The following KDSR variants were observed in gnomAD, a reference collection of about 807,000 sequenced individuals.
The protein encoded by KDSR is 3-dehydrosphinganine reductase.
Under a neutral mutation model 41.3 loss-of-function variants are expected in KDSR, and 23 were observed. The ratio of observed to expected loss-of-function variants is 0.56; its 90% CI spans 0.40 to 0.79. The LOEUF is 0.79. Among genes scored for constraint, KDSR ranks in the 30% least tolerant of loss-of-function variants. The probability of loss-of-function intolerance (pLI) is 0.00; values close to 1 mark genes in which losing one functional copy is unlikely to be tolerated. For synonymous variants in KDSR, 138 were observed against 151.7 expected (o/e 0.91, Z 0.66); for missense variants, 351 against 416.8 (o/e 0.84, Z 1.37).
At chr18:63,340,811 C>T (rs549309103) in intron 7 of KDSR, among the ~76,000 whole-genome samples, 32 of 152,336 alleles carry the variant, frequency 2.1e-4, no homozygotes, top group African/African-American at 7.7e-4. Context: ...TAATTCTCAC[C>T]ACTAAGAGTA....
chr18:63,333,161 A>G (rs1914062418), intron 9 of KDSR, among the ~76,000 whole-genome samples: 1 of 152,150 alleles, frequency 6.6e-6, no homozygotes, highest in African/African-American at 2.4e-5. Flanking sequence ...GTATGATCAC[A>G]GCTCACTGTA....
intron 3 of KDSR, among the ~76,000 whole-genome samples, chr18:63,357,575 T>C (rs190371599): frequency 0.014 from 1,457 of 107,306 alleles, 14 homozygotes; most frequent in African/African-American, 0.045. Context: ...TACATACATA[T>C]ATATATATAT....
chr18:63,333,229 A>G (rs1280647435), intron 9 of KDSR, among the ~76,000 whole-genome samples: 3 of 152,060 alleles, frequency 2.0e-5, no homozygotes, highest in Non-Finnish European at 4.4e-5. Flanking sequence ...ACAGGTACAC[A>G]CCACCACGCC....
chr18:63,366,113 T>G (rs1485805031), intron 1 of KDSR: 1 of 152,228 alleles, frequency 6.6e-6, no homozygotes, highest in Non-Finnish European at 1.5e-5. Flanking sequence ...CAAACGAGAA[T>G]GCTCGTGAGA....
At chr18:63,359,332 T>C (rs879527737) in intron 3 of KDSR, among the ~76,000 whole-genome samples, 1 of 152,126 alleles carries the variant, frequency 6.6e-6, no homozygotes, top group Non-Finnish European at 1.5e-5. Flanking sequence ...TTCTACTTCT[T>C]AGGCTGGGTG....
At chr18:63,350,748 A>G (rs1290064380) in intron 6 of KDSR, 140 bp downstream of exon 6, 2 of 667,616 alleles carry the variant, frequency 3.0e-6, no homozygotes, top group Non-Finnish European at 5.1e-6. Context: ...CTCAGGGTTG[A>G]GCCAATTCTC....
chr18:63,364,906 C>G (rs1464393366), intron 1 of KDSR, among the ~76,000 whole-genome samples: 1 of 152,216 alleles, frequency 6.6e-6, no homozygotes, highest in Non-Finnish European at 1.5e-5. Flanking sequence ...TTCCCTATAA[C>G]CAGACATTTA....
At chr18:63,361,333 GC>G (rs1188351762) in intron 2 of KDSR, among the ~76,000 whole-genome samples, 3 of 150,494 alleles carry the variant, frequency 2.0e-5, no homozygotes, top group Admixed American at 6.7e-5. Flanking sequence ...TGAAATGCTG[GC>G]CTTCTCTGCC....
At chr18:63,357,589 TATA>T (rs1914835834) in intron 3 of KDSR, among the ~76,000 whole-genome samples, 2 of 70,470 alleles carry the variant, frequency 2.8e-5, no homozygotes, top group African/African-American at 1.2e-4. Context: ...TATATATATA[TATA>T]TATTTTTTTT....
chr18:63,365,242 G>A (rs558251514), intron 1 of KDSR, among the ~76,000 whole-genome samples: 11 of 152,222 alleles, frequency 7.2e-5, no homozygotes, highest in Non-Finnish European at 1.5e-4. Flanking sequence ...TTTTACTACC[G>A]TAACTAGATA....
chr18:63,365,578 T>C (rs1022645015), intron 1 of KDSR, among the ~76,000 whole-genome samples: 14 of 152,240 alleles, frequency 9.2e-5, no homozygotes, highest in African/African-American at 2.7e-4. Flanking sequence ...ATCTCACCTA[T>C]GACCTGCCGC....
chr18:63,355,703 T>C, intron 3 of KDSR, 140 bp from the exon 4 acceptor site: 3 of 1,238,568 alleles, frequency 2.4e-6, no homozygotes, highest in Non-Finnish European at 2.1e-6. Context: ...TTGCTGATGA[T>C]GCAATTAGCA....
intron 6 of KDSR, among the ~76,000 whole-genome samples, chr18:63,347,411 G>A (rs1228665378): frequency 6.9e-6 from 1 of 144,470 alleles, no homozygotes; most frequent in Non-Finnish European, 1.5e-5. Context: ...CAGGAGAATC[G>A]CTTGAACCAG....
At chr18:63,331,943 A>T in intron 9 of KDSR, 42 bp from the exon 10 acceptor site, 1 of 1,600,500 alleles carries the variant, frequency 6.2e-7, no homozygotes, top group Non-Finnish European at 8.5e-7. Context: ...CCAACGGTAC[A>T]AGACTATTTC....
rs544609811 is a variant in KDSR, at chr18:63,338,417, G to A, written c.777+383C>T. ...CCCACGGGGCTGGTGGCACTTTCTC[G>A]TTAGCTAACTTTTGGGAAAATGATA... is the stretch of plus-strand genomic sequence containing the variant. On this transcript the variant is annotated intron_variant, in intron 8 of 9. Coordinates refer to ENST00000645214, the MANE Select transcript of KDSR (RefSeq NM_002035.4). 7.2e-5 allele frequency among the ~76,000 whole-genome samples: 11 copies of A among 152,310 alleles called. No homozygotes were observed. The South Asian group carries it at 1.4e-3, about 20-fold the overall frequency.
chr18:63,334,665 G>A (rs761219142), intron 9 of KDSR, among the ~76,000 whole-genome samples: 4 of 152,080 alleles, frequency 2.6e-5, no homozygotes, highest in Admixed American at 6.6e-5. Flanking sequence ...CACCTTTTTG[G>A]TCAGTGCATT....
intron 6 of KDSR, 57 bp downstream of exon 6, chr18:63,350,831 C>A: frequency 1.6e-6 from 2 of 1,234,854 alleles, no homozygotes; most frequent in South Asian, 1.5e-5. Flanking sequence ...AAAACTAAAG[C>A]GGAATGTATA....
intron 8 of KDSR, among the ~76,000 whole-genome samples, chr18:63,337,493 G>C (rs1914208761): frequency 6.6e-6 from 1 of 152,062 alleles, no homozygotes; most frequent in South Asian, 2.1e-4. Context: ...AATAAATATA[G>C]CCATGTAAAT....
intron 1 of KDSR, 75 bp downstream of exon 1, chr18:63,366,936 T>A: frequency 1.4e-6 from 1 of 740,264 alleles, no homozygotes; most frequent in South Asian, 5.9e-5. Context: ...AAAAGGGACG[T>A]AGGCTACGCG....
Sources: allele counts gnomAD v4.1 joint callset (sites outside exome capture counted in the v4.1 genomes callset), GRCh38; gene constraint gnomAD v4.1.1; transcripts MANE v1.5; gene names NCBI Gene and HGNC (gene_info 2026-07-23, HGNC 2026-07-21).